The following GATA6 variants were observed in gnomAD, a reference collection of about 807,000 sequenced individuals.
GATA6 encodes transcription factor GATA-6.
Under a neutral mutation model 48.1 loss-of-function variants are expected in GATA6, and 11 were observed. The observed-to-expected ratio is 0.23, with a 90% CI of 0.14 to 0.38. The LOEUF is 0.38. GATA6 is among the 10% of genes least tolerant of loss of function. The probability of loss-of-function intolerance (pLI) is 1.00; values close to 1 mark genes in which losing one functional copy is unlikely to be tolerated. For synonymous variants in GATA6, 419 were observed against 396.1 expected (o/e 1.06, Z -0.69); for missense variants, 795 against 850.3 (o/e 0.93, Z 0.81).
chr18:22,183,764 A>G (rs745592418), intron 6 of GATA6, among the ~76,000 whole-genome samples: 1 of 152,186 alleles, frequency 6.6e-6, no homozygotes, highest in Non-Finnish European at 1.5e-5. Flanking sequence ...GCATTTTCCC[A>G]CCCTAATGTT....
chr18:22,171,162 C>A lies in GATA6; in HGVS notation c.18C>A (p.Gly6=), dbSNP rs2143273333. The change falls in exon 2 of 7, where the codon GGC becomes GGA. Residue 6 remains glycine (G), a synonymous_variant. Transcript: ENST00000269216. The surrounding 1 kb of genome is among the most constrained non-coding windows in gnomAD (Gnocchi z 7.1). The stretch of plus-strand genomic sequence containing the variant: ...GACCGTGGATGGCCTTGACTGACGG[C>A]GGCTGGTGCTTGCCGAAGCGCTTCG... MALTD[G]GWCLPKRFGA... The A allele has an allele frequency of 6.3e-7, 1 of 1,599,912 alleles. No individual in the cohort carries two copies. The highest frequency in any genetic ancestry group is 8.5e-7 in the Non-Finnish European group (1 of 1,179,492).
At position 22,172,750 on chromosome 18, in the gene GATA6, C is replaced by T. The variant is rs1434890871; in HGVS notation, c.1135+471C>T. The stretch of plus-strand genomic sequence containing the variant: ...ACAGACACACAAGCACATGCAGGCT[C>T]ACCCAGTTTAACTCTCCAAAGGGTG... On this transcript the variant is annotated intron_variant, in intron 2 of 6. Coordinates refer to ENST00000269216, the MANE Select transcript of GATA6 (RefSeq NM_005257.6). The surrounding 1 kb of genome is among the most constrained non-coding windows in gnomAD (Gnocchi z 5.2). 6.6e-6 allele frequency among the ~76,000 whole-genome samples: 1 copy of T among 152,186 alleles called. No individual in the cohort carries two copies. The highest frequency in any genetic ancestry group is 6.5e-5 in the Admixed American group (1 of 15,282).
chr18:22,181,985 A>C (rs1429673533), intron 4 of GATA6, among the ~76,000 whole-genome samples: 1 of 152,242 alleles, frequency 6.6e-6, no homozygotes, highest in East Asian at 1.9e-4. Context: ...ATATCTCTTA[A>C]AAATTTTGAA....
intron 1 of GATA6, among the ~76,000 whole-genome samples, 160 bp downstream of exon 1, chr18:22,169,842 G>A (rs2033006589): frequency 6.6e-6 from 1 of 152,232 alleles, no homozygotes; most frequent in African/African-American, 2.4e-5. Context: ...CGGCTCCCAG[G>A]CTCCCGGGAC....
chr18:22,188,930 AGGAAATGTGTTTCCTCACCTTTGTGGGG>A (rs1240810764), intron 6 of GATA6, among the ~76,000 whole-genome samples: 1 of 152,208 alleles, frequency 6.6e-6, no homozygotes, highest in Non-Finnish European at 1.5e-5. Context: ...TATTAGGGAT[AGGAAATGTGTTTCCTCACCTTTGTGGGG>A]CATTGCTGGT....
intron 2 of GATA6, among the ~76,000 whole-genome samples, chr18:22,173,282 A>G (rs193069313): frequency 6.6e-6 from 1 of 152,092 alleles, no homozygotes; most frequent in East Asian, 1.9e-4. Flanking sequence ...ATCTTACCTT[A>G]TATTTCACCT....
intron 6 of GATA6, among the ~76,000 whole-genome samples, chr18:22,184,941 T>C (rs563581669): frequency 5.3e-5 from 8 of 152,170 alleles, no homozygotes; most frequent in Admixed American, 4.6e-4. Context: ...TCACTTTTGT[T>C]GGTGGTACAG....
At chr18:22,196,986 CAAT>C (rs1258392740) in intron 6 of GATA6, among the ~76,000 whole-genome samples, 1 of 151,386 alleles carries the variant, frequency 6.6e-6, no homozygotes, top group South Asian at 2.1e-4. Context: ...TTAACCTTAA[CAAT>C]AATAATTAGA....
At chr18:22,197,602 A>G (rs2033406836) in intron 6 of GATA6, among the ~76,000 whole-genome samples, 1 of 152,136 alleles carries the variant, frequency 6.6e-6, no homozygotes. Flanking sequence ...CAATAACAAT[A>G]GCTTCCCTTT....
At position 22,200,917 on chromosome 18, in the gene GATA6, C is replaced by A; in HGVS notation, c.*94C>A. The A allele has an allele frequency of 7.8e-7, 1 of 1,288,796 alleles. No individual in the cohort carries two copies. The highest frequency in any genetic ancestry group is 1.1e-6 in the Non-Finnish European group (1 of 927,494). The allele number at this position is 1,288,796 out of a possible 1,614,324, so 79.8% of individuals were successfully genotyped here. On this transcript the variant is annotated 3_prime_UTR_variant, in exon 7 of 7. Transcript: ENST00000269216. ...AGCGGTCCAGACAGTGGCGACTGCG[C>A]TGACAGAACGTGATTCTCGTGCCTT...
At chr18:22,182,706 G>A in intron 4 of GATA6, 51 bp from the exon 5 acceptor site, 1 of 1,354,812 alleles carries the variant, frequency 7.4e-7, no homozygotes, top group East Asian at 2.3e-5. Context: ...TGGGTCTTTG[G>A]TTTTTCTTCA....
At chr18:22,188,635 T>A (rs1360288235) in intron 6 of GATA6, among the ~76,000 whole-genome samples, 1 of 152,198 alleles carries the variant, frequency 6.6e-6, no homozygotes, top group East Asian at 1.9e-4. Flanking sequence ...GTGACAAATG[T>A]GTTTTCTGTC....
At chr18:22,178,973 C>T (rs537192721) in intron 3 of GATA6, among the ~76,000 whole-genome samples, 112 of 152,182 alleles carry the variant, frequency 7.4e-4, no homozygotes, top group Non-Finnish European at 1.3e-3. Flanking sequence ...GAATAGTAGT[C>T]ATTTAGGTTC....
intron 2 of GATA6, 149 bp from the exon 3 acceptor site, chr18:22,176,806 G>A: frequency 1.1e-6 from 1 of 890,742 alleles, no homozygotes; most frequent in Non-Finnish European, 1.6e-6. Flanking sequence ...CCTGCTCCTG[G>A]CTTTGCGGCC....
intron 6 of GATA6, among the ~76,000 whole-genome samples, chr18:22,197,249 C>A (rs1435740751): frequency 6.6e-6 from 1 of 151,550 alleles, no homozygotes; most frequent in East Asian, 1.9e-4. Flanking sequence ...TGAGGTTTCA[C>A]CATGTTGGTC....
At chr18:22,188,773 G>A (rs1361002205) in intron 6 of GATA6, among the ~76,000 whole-genome samples, 1 of 152,114 alleles carries the variant, frequency 6.6e-6, no homozygotes, top group Non-Finnish European at 1.5e-5. Context: ...TCACAATTAG[G>A]GAGGAAAAAC....
At chr18:22,183,600 T>A (rs1411172803) in intron 6 of GATA6, among the ~76,000 whole-genome samples, 4 of 152,252 alleles carry the variant, frequency 2.6e-5, no homozygotes, top group Admixed American at 2.0e-4. Context: ...CTTCTTCTAA[T>A]GTACCTTAAT....
In GATA6 at chr18:22,170,351, G is replaced by C. The variant is rs1398357433; in HGVS notation, c.-38+669G>C. On this transcript the variant is annotated intron_variant, in intron 1 of 6. Coordinates refer to ENST00000269216, the MANE Select transcript of GATA6 (RefSeq NM_005257.6). The surrounding 1 kb of genome is among the most constrained non-coding windows in gnomAD (Gnocchi z 6.7). ...GCTGGTGGCTGCAGGCGCGGGCCGT[G>C]TCTAAGGTGTGCGGCGCCGCGGGGA... 2.0e-5 allele frequency among the ~76,000 whole-genome samples: 3 copies of C among 152,258 alleles called. No homozygotes were observed. The highest frequency in any genetic ancestry group is 7.2e-5 in the African/African-American group (3 of 41,466).
intron 6 of GATA6, among the ~76,000 whole-genome samples, chr18:22,192,223 A>G (rs1226001019): frequency 6.6e-6 from 1 of 152,140 alleles, no homozygotes; most frequent in South Asian, 2.1e-4. Context: ...TCCTCCTTCT[A>G]CTAAAGGGGA....
Sources: gnomAD v4.1 joint callset for allele counts (sites outside exome capture counted in the v4.1 genomes callset) on GRCh38, gnomAD v4.1.1 for gene constraint, Gnocchi (gnomAD v3.1) non-coding constraint, MANE v1.5 for transcripts, NCBI Gene and HGNC (gene_info 2026-07-23, HGNC 2026-07-21) for gene names.